ZC3H13: variants seen among roughly 807,000 people sequenced by gnomAD.
ZC3H13 encodes the protein zinc finger CCCH-type containing 13.
A neutral mutation model predicts 204.1 loss-of-function variants in ZC3H13; 64 were observed. The ratio of observed to expected loss-of-function variants is 0.31; its 90% confidence interval spans 0.26 to 0.39. The LOEUF (loss-of-function observed/expected upper bound fraction) is 0.39, where lower values mean the gene tolerates loss of function less well. Among genes scored for constraint, ZC3H13 ranks in the 10% least tolerant of loss-of-function variants. The pLI, the probability that ZC3H13 is intolerant of heterozygous loss-of-function variation, is 1.00. For synonymous variants in ZC3H13, 667 were observed against 693.7 expected (o/e 0.96, Z 0.60); for missense variants, 1,833 against 2,082.7 (o/e 0.88, Z 2.33).
chr13:45,996,864 C>A (rs1237986266), intron 8 of ZC3H13, among the ~76,000 whole-genome samples: 1 of 151,726 alleles, frequency 6.6e-6, no homozygotes, highest in Non-Finnish European at 1.5e-5. Context: ...ATAGTCTATA[C>A]ATGAAATTAT....
intron 1 of ZC3H13, among the ~76,000 whole-genome samples, chr13:46,045,944 T>C (rs1352923347): frequency 2.6e-5 from 4 of 152,042 alleles, no homozygotes; most frequent in African/African-American, 7.2e-5. Context: ...CTAAAGAAAA[T>C]GGAAAAATAA....
intron 4 of ZC3H13, among the ~76,000 whole-genome samples, chr13:46,024,288 T>C (rs964578337): frequency 1.3e-5 from 2 of 152,192 alleles, no homozygotes; most frequent in Non-Finnish European, 2.9e-5. Context: ...CTATTCACAT[T>C]TCCGACCCTT....
At chr13:46,030,060 A>C (rs2042796279) in intron 4 of ZC3H13, among the ~76,000 whole-genome samples, 1 of 152,234 alleles carries the variant, frequency 6.6e-6, no homozygotes, top group Non-Finnish European at 1.5e-5. Context: ...CTAGGTATGC[A>C]AGGCTGGTTC....
At chr13:46,010,654 G>A (rs1030298104) in intron 6 of ZC3H13, 149 bp from the exon 7 acceptor site, 5 of 750,876 alleles carry the variant, frequency 6.7e-6, no homozygotes, top group South Asian at 2.4e-5. Context: ...CCAGTTTCTC[G>A]AGAGGCTGAG....
intron 16 of ZC3H13, 133 bp downstream of exon 16, chr13:45,965,147 T>C: frequency 1.7e-6 from 2 of 1,174,942 alleles, no homozygotes; most frequent in Non-Finnish European, 2.3e-6. Flanking sequence ...TTATTGGCCT[T>C]TCAACCTTAA....
At chr13:45,963,697 G>A in intron 17 of ZC3H13, 145 bp downstream of exon 17, 1 of 1,484,584 alleles carries the variant, frequency 6.7e-7, no homozygotes, top group Non-Finnish European at 8.9e-7. Flanking sequence ...TTGACCATGA[G>A]GGTTAAATAA....
In ZC3H13 at chr13:45,957,165, A is replaced by G. The variant is rs1293140484; in HGVS notation, c.4972T>C (p.Ser1658Pro). ...GHEKTEDNKLSQSSIQQELCV... is the reference protein window; with the variant it reads ...GHEKTEDNKLPQSSIQQELCV... ...AGTTCCTGTTGGATACTGGACTGTGAAAGTTTATTATCTTCAGTCTTTTCA... is the reference window on the plus strand; with the variant it reads ...AGTTCCTGTTGGATACTGGACTGTGGAAGTTTATTATCTTCAGTCTTTTCA... Residue 1658 changes from serine (S) to proline (P), a missense_variant, in exon 19 of 19, where the codon TCA becomes CCA. Ser to Pro is a moderately conservative substitution (Grantham distance 74). This residue lies in a region of ZC3H13 where 211 missense variants were observed against 228.4 expected (regional missense o/e 0.92). Transcript: ENST00000679008. 1.3e-6 allele frequency: 2 copies of G among 1,546,812 alleles called. No homozygotes were observed. Among genetic ancestry groups the G allele is most frequent in the Non-Finnish European group, 1.7e-6 (2 of 1,145,112 alleles).
chr13:46,047,209 A>G (rs1360448763), intron 1 of ZC3H13, among the ~76,000 whole-genome samples: 2 of 152,178 alleles, frequency 1.3e-5, no homozygotes, highest in African/African-American at 4.8e-5. Flanking sequence ...TTTGATAAAT[A>G]AAAGATGGTG....
chr13:45,971,990 T>C (rs1952621766), intron 12 of ZC3H13, among the ~76,000 whole-genome samples: 2 of 150,588 alleles, frequency 1.3e-5, no homozygotes, highest in Admixed American at 1.3e-4. Context: ...CATTAAAAAG[T>C]AAAAAAAACA....
chr13:46,050,095 G>A (rs1433955527), intron 1 of ZC3H13, among the ~76,000 whole-genome samples: 1 of 151,934 alleles, frequency 6.6e-6, no homozygotes, highest in Non-Finnish European at 1.5e-5. Flanking sequence ...AATATCTGAA[G>A]TCTTTATAAT....
chr13:46,037,212 C>A (rs1378788674), intron 4 of ZC3H13, among the ~76,000 whole-genome samples: 1 of 151,888 alleles, frequency 6.6e-6, no homozygotes, highest in African/African-American at 2.4e-5. Context: ...GTGTATTTTA[C>A]CACAATAAAA....
intron 2 of ZC3H13, 22 bp from the exon 3 acceptor site, chr13:46,045,086 G>A (rs1349888621): frequency 7.8e-6 from 12 of 1,545,988 alleles, no homozygotes; most frequent in Non-Finnish European, 1.1e-5. Context: ...ATATTACTAT[G>A]TAAATTTCAT....
chr13:45,998,857 T>C (rs1365200695), intron 8 of ZC3H13, among the ~76,000 whole-genome samples: 3 of 152,078 alleles, frequency 2.0e-5, no homozygotes, highest in Non-Finnish European at 4.4e-5. Context: ...ATGATGAAGT[T>C]TGTCACACCA....
intron 1 of ZC3H13, among the ~76,000 whole-genome samples, chr13:46,047,384 G>A (rs2139224324): frequency 6.6e-6 from 1 of 152,202 alleles, no homozygotes; most frequent in South Asian, 2.1e-4. Flanking sequence ...AAGAACCAGT[G>A]GAGAGCATCA....
At chr13:46,052,048 T>G (rs1354760610) in intron 1 of ZC3H13, 2 of 147,574 alleles carry the variant, frequency 1.4e-5, no homozygotes, top group Non-Finnish European at 3.0e-5. Context: ...CTCTAACAGA[T>G]CTGGAATGAG....
intron 5 of ZC3H13, among the ~76,000 whole-genome samples, chr13:46,018,102 A>G (rs1024604331): frequency 4.4e-4 from 67 of 152,290 alleles, no homozygotes; most frequent in African/African-American, 1.5e-3. Context: ...CTTGAACAGG[A>G]AGATACAAAA....
At chr13:45,966,655 G>C (rs562894097) in intron 15 of ZC3H13, among the ~76,000 whole-genome samples, 1 of 152,224 alleles carries the variant, frequency 6.6e-6, no homozygotes, top group South Asian at 2.1e-4. Context: ...TTATATCCCA[G>C]GGTTGTACCT....
At chr13:45,963,749 G>A (rs1951860591) in intron 17 of ZC3H13, 93 bp downstream of exon 17, 2 of 1,561,806 alleles carry the variant, frequency 1.3e-6, no homozygotes, top group East Asian at 2.2e-5. Flanking sequence ...TCTACACAGT[G>A]TTAAGTGCTA....
intron 6 of ZC3H13, among the ~76,000 whole-genome samples, chr13:46,011,176 T>C (rs534997867): frequency 6.6e-6 from 1 of 152,294 alleles, no homozygotes; most frequent in East Asian, 1.9e-4. Flanking sequence ...CATTAGCTGG[T>C]GACTCTAGGC....
Sources: allele counts gnomAD v4.1 joint callset (sites outside exome capture counted in the v4.1 genomes callset), GRCh38; gene constraint gnomAD v4.1.1; regional missense constraint gnomAD v4.1.1; transcripts MANE v1.5; gene names NCBI Gene and HGNC (gene_info 2026-07-23, HGNC 2026-07-21).